Variants in PCDHA1 observed in about 807,000 individuals in gnomAD.
The protein encoded by PCDHA1 is protocadherin alpha-1.
A neutral mutation model predicts 61.3 loss-of-function variants in PCDHA1; 42 were observed. The ratio of observed to expected loss-of-function variants is 0.69; its 90% confidence interval spans 0.54 to 0.89. The LOEUF (loss-of-function observed/expected upper bound fraction) is 0.89, where lower values mean the gene tolerates loss of function less well. Among genes scored for constraint, PCDHA1 ranks in the 40% least tolerant of loss-of-function variants. The probability of loss-of-function intolerance (pLI) is 0.00; values close to 1 mark genes in which losing one functional copy is unlikely to be tolerated. For missense variants in PCDHA1, 1,256 were observed against 1,235.3 expected (o/e 1.02, Z -0.25); for synonymous variants, 610 against 553.8 (o/e 1.10, Z -1.43).
At chr5:140,856,119 A>G (rs782020835) in intron 1 of PCDHA1, 1 of 1,597,678 alleles carries the variant, frequency 6.3e-7, no homozygotes, top group East Asian at 2.2e-5. Flanking sequence ...GCAGCCTGGG[A>G]GGTGGGGAGC....
rs139576828 is a variant in PCDHA1 at position 140,850,837 on chromosome 5, G to T, written c.2394+62153G>T. 6 of 1,597,642 alleles carry T rather than the reference G, an allele frequency of 3.8e-6. No individual in the cohort carries two copies. In the African/African-American group the frequency reaches 8.1e-5, roughly 21 times the overall value. On this transcript the variant is annotated intron_variant, in intron 1 of 3. Transcript: ENST00000504120. The stretch of plus-strand genomic sequence containing the variant: ...AGCCCGGGCCTTTCTCCTTGTGCTG[G>T]ATCTACAGAGCGAACGGGAGAACCC...
chr5:140,828,322 A>T, intron 1 of PCDHA1: 1 of 1,614,224 alleles, frequency 6.2e-7, no homozygotes, highest in South Asian at 1.1e-5. Flanking sequence ...TTCTGGAGGT[A>T]AATCTGCAGA....
chr5:140,792,951 C>T (rs1761740209), intron 1 of PCDHA1, among the ~76,000 whole-genome samples: 1 of 152,214 alleles, frequency 6.6e-6, no homozygotes, highest in Admixed American at 6.5e-5. Flanking sequence ...CTTTTCAGTT[C>T]ACATAATTTA....
At chr5:140,802,690 G>C (rs782575320) in intron 1 of PCDHA1, 1 of 1,612,966 alleles carries the variant, frequency 6.2e-7, no homozygotes, top group Non-Finnish European at 8.5e-7. Flanking sequence ...GTGGAACGGC[G>C]GGTGGGGGAG....
At chr5:140,876,209 G>A in intron 1 of PCDHA1, 1 of 1,613,924 alleles carries the variant, frequency 6.2e-7, no homozygotes. Flanking sequence ...GATAAGCCCA[G>A]CTATAAAGTA....
At chr5:140,964,802 GA>G (rs1187447949) in intron 1 of PCDHA1, among the ~76,000 whole-genome samples, 2 of 151,946 alleles carry the variant, frequency 1.3e-5, no homozygotes, top group African/African-American at 4.8e-5. Context: ...CCCAAGAAAG[GA>G]GACAGGAATA....
chr5:140,900,630 G>A (rs1355486036), intron 1 of PCDHA1, among the ~76,000 whole-genome samples: 3 of 152,132 alleles, frequency 2.0e-5, no homozygotes, highest in African/African-American at 7.2e-5. Context: ...TCCAAATCTT[G>A]GCTATTGTGA....
Position 140,843,712 on chromosome 5 carries a change from C to G in PCDHA1, c.2394+55028C>G. ...AAGATTTAAATGTTGATCATGGCCT[C>G]AAAGTAAGTCCATTTAAATTTAGAA... On this transcript the variant is annotated intron_variant, in intron 1 of 3. Transcript: ENST00000504120. 3.2e-6 allele frequency: 5 copies of G among 1,569,886 alleles called. 1 individual carries two copies. Among genetic ancestry groups the G allele is most frequent in the Non-Finnish European group, 4.4e-6 (5 of 1,144,038 alleles).
chr5:140,890,190 A>C (rs1213958471), intron 1 of PCDHA1, among the ~76,000 whole-genome samples: 3 of 152,084 alleles, frequency 2.0e-5, no homozygotes, highest in Middle Eastern at 3.2e-3. Flanking sequence ...TACAAAACAG[A>C]GTTTTTTGTT....
intron 1 of PCDHA1, among the ~76,000 whole-genome samples, chr5:140,900,492 G>A (rs2068087412): frequency 6.6e-6 from 1 of 152,174 alleles, no homozygotes; most frequent in African/African-American, 2.4e-5. Flanking sequence ...GGTCAGACTG[G>A]TCTCAAATTC....
chr5:140,848,527 G>A (rs1379026024), intron 1 of PCDHA1: 2 of 1,594,382 alleles, frequency 1.3e-6, no homozygotes, highest in Admixed American at 1.7e-5. Context: ...GATCCAGAGG[G>A]TCAGCCTCTA....
intron 1 of PCDHA1, chr5:140,813,264 A>C (rs1765257660): frequency 6.6e-6 from 1 of 152,168 alleles, no homozygotes; most frequent in African/African-American, 2.4e-5. Context: ...CAGTCATTGG[A>C]GATACATTCT....
intron 1 of PCDHA1, chr5:140,870,821 G>A (rs782742871): frequency 6.2e-7 from 1 of 1,613,736 alleles, no homozygotes; most frequent in South Asian, 1.1e-5. Flanking sequence ...GGCAGCGCGG[G>A]AGGCGCAGTT....
intron 1 of PCDHA1, chr5:140,929,010 G>C (rs1554206575): frequency 6.2e-7 from 1 of 1,614,128 alleles, no homozygotes; most frequent in Non-Finnish European, 8.5e-7. Flanking sequence ...TGTGTACCAA[G>C]TTGCACCAGA....
In PCDHA1 at chr5:140,786,378, C is replaced by T; in HGVS notation, c.88C>T (p.Gln30Ter). The T allele has an allele frequency of 6.2e-7, 1 of 1,613,760 alleles. No homozygotes were observed. Among genetic ancestry groups the T allele is most frequent in the South Asian group, 1.1e-5 (1 of 91,060 alleles). Residue 30 changes from glutamine (Q) to a stop codon, truncating the protein, a stop_gained, in exon 1 of 4, where the codon CAG (glutamine) becomes TAG (stop). Transcript: ENST00000504120. LOFTEE classifies it high-confidence loss of function. ...LLAAWEVGSG[Q>*]LHYSIPEEAK... The stretch of plus-strand genomic sequence containing the variant: ...CGCAGCCTGGGAGGTGGGGAGCGGC[C>T]AGCTCCACTACTCGATCCCGGAGGA...
intron 1 of PCDHA1, chr5:140,928,746 C>A (rs782813323): frequency 6.2e-7 from 1 of 1,614,130 alleles, no homozygotes. Context: ...TAGGTGAGCT[C>A]CGTACTGCTC....
intron 1 of PCDHA1, among the ~76,000 whole-genome samples, chr5:140,915,139 G>C (rs2153533338): frequency 6.6e-6 from 1 of 151,944 alleles, no homozygotes; most frequent in Non-Finnish European, 1.5e-5. Flanking sequence ...AGTAGAGACG[G>C]GGTTTCACCA....
At chr5:140,870,751 C>T in intron 1 of PCDHA1, 3 of 1,613,546 alleles carry the variant, frequency 1.9e-6, no homozygotes, top group Non-Finnish European at 2.5e-6. Context: ...CAACGTGACG[C>T]TGCAGGTGTT....
At chr5:140,995,738 T>G (rs1441000111) in intron 3 of PCDHA1, among the ~76,000 whole-genome samples, 1 of 152,150 alleles carries the variant, frequency 6.6e-6, no homozygotes, top group Non-Finnish European at 1.5e-5. Context: ...CTGGTGGATT[T>G]GGTATATCAT....
Sources: gnomAD v4.1 joint callset for allele counts (sites outside exome capture counted in the v4.1 genomes callset) on GRCh38, gnomAD v4.1.1 for gene constraint, MANE v1.5 for transcripts, NCBI Gene and HGNC (gene_info 2026-07-23, HGNC 2026-07-21) for gene names.